PDS5A: variants seen among roughly 807,000 people sequenced by gnomAD.
PDS5A encodes sister chromatid cohesion protein PDS5 homolog A.
Under a neutral mutation model 167.1 loss-of-function variants are expected in PDS5A, and 42 were observed. That is an observed-to-expected ratio of 0.25 (90% CI 0.20 to 0.33). The LOEUF (loss-of-function observed/expected upper bound fraction) is 0.33, where lower values mean the gene tolerates loss of function less well. Ranked by LOEUF, PDS5A falls within the 10% of genes least tolerant of loss-of-function variation. The pLI is 1.00. For missense variants in PDS5A, 1,033 were observed against 1,605.9 expected, an observed-to-expected ratio of 0.64 and a Z score of 6.10; for synonymous variants, 553 against 554.6, an observed-to-expected ratio of 1.00 and a Z score of 0.04.
At chr4:39,872,849 A>G (rs1303343460) in intron 21 of PDS5A, 137 bp downstream of exon 21, 2 of 460,654 alleles carry the variant, frequency 4.3e-6, no homozygotes. Context: ...GAATTTAAAT[A>G]AATAAAAAAT....
At chr4:39,920,595 A>T (rs1481216403) in intron 6 of PDS5A, among the ~76,000 whole-genome samples, 196 bp from the exon 7 acceptor site, 1 of 152,234 alleles carries the variant, frequency 6.6e-6, no homozygotes, top group Non-Finnish European at 1.5e-5. Context: ...TTAAATGCAG[A>T]CGTTGCAAAT....
rs527824931 is a variant in PDS5A, at chr4:39,973,842, A to G, written c.138+2598T>C. ...TTCCACAGACTCAGAACCGTGCTGC[A>G]AGACCGGGCGCGGTGGCTCACGCCT... On this transcript the variant is annotated intron_variant, in intron 2 of 32. Transcript: ENST00000303538. The G allele has an allele frequency of 6.6e-4, 665 of 1,009,846 alleles. 2 individuals are homozygous for G. Among genetic ancestry groups the G allele is most frequent in the Middle Eastern group, 1.2e-3 (6 of 4,814 alleles). 62.6% of individuals were successfully genotyped at this position (1,009,846 alleles called of 1,614,324 possible).
chr4:39,925,946 AAAAT>A lies in PDS5A; in HGVS notation c.430-17_430-14del, dbSNP rs1725414830. 2.0e-6 allele frequency: 2 copies of A among 988,470 alleles called. No individual in the cohort carries two copies. The highest frequency in any genetic ancestry group is 2.9e-6 in the Non-Finnish European group (2 of 691,288). The allele number at this position is 988,470 out of a possible 1,614,324, so 61.2% of individuals were successfully genotyped here. ...CCCAAGCTAAATTCTTAAATAAATAAAAATAATTATTGAATTATACATATATACA... is the reference window on the plus strand; with the variant it reads ...CCCAAGCTAAATTCTTAAATAAATAAAATTATTGAATTATACATATATACA... On this transcript the variant is annotated splice_polypyrimidine_tract_variant and intron_variant, in intron 4 of 32. Transcript: ENST00000303538.
At chr4:39,850,229 A>C (rs931582958) in intron 26 of PDS5A, among the ~76,000 whole-genome samples, 1 of 150,694 alleles carries the variant, frequency 6.6e-6, no homozygotes, top group Middle Eastern at 3.4e-3. Flanking sequence ...CTGAGACTGC[A>C]CCACTGCACT....
intron 11 of PDS5A, among the ~76,000 whole-genome samples, chr4:39,907,590 C>CTTTT (rs71194936): frequency 1.4e-5 from 2 of 141,752 alleles, no homozygotes; most frequent in Non-Finnish European, 1.5e-5. Flanking sequence ...CTTTTCTTTT[C>CTTTT]TTTTTTTTTT....
intron 2 of PDS5A, 127 bp downstream of exon 2, chr4:39,976,313 A>T: frequency 3.1e-6 from 2 of 636,574 alleles, no homozygotes; most frequent in South Asian, 2.5e-5. Flanking sequence ...GAGATACAAC[A>T]GTACCTTTCA....
Position 39,884,087 on chromosome 4 carries a change from T to C in PDS5A, c.1887-4254A>G, listed in dbSNP as rs1393669552. Among the ~76,000 whole-genome samples the C allele has an allele frequency of 2.6e-5, 4 of 151,856 alleles. No homozygotes were observed. The East Asian group carries it at 7.7e-4, about 29-fold the overall frequency. On this transcript the variant is annotated intron_variant, in intron 17 of 32. Transcript: ENST00000303538. ...GGGATTACAGTTGCGTGCCACCACGTCAGGCTAATTTTTGCATTTTTAGTA... is the reference window on the plus strand; with the variant it reads ...GGGATTACAGTTGCGTGCCACCACGCCAGGCTAATTTTTGCATTTTTAGTA...
At chr4:39,852,150 T>C (rs1718171208) in intron 26 of PDS5A, among the ~76,000 whole-genome samples, 1 of 152,196 alleles carries the variant, frequency 6.6e-6, no homozygotes, top group South Asian at 2.1e-4. Context: ...ATGTGCTATC[T>C]AACATGAACC....
chr4:39,964,714 T>C (rs1729813589), intron 2 of PDS5A, among the ~76,000 whole-genome samples: 1 of 151,580 alleles, frequency 6.6e-6, no homozygotes, highest in African/African-American at 2.4e-5. Flanking sequence ...TAATAAAATA[T>C]GCCCTGGTGT....
At chr4:39,935,908 C>A (rs1464088301) in intron 2 of PDS5A, among the ~76,000 whole-genome samples, 1 of 152,190 alleles carries the variant, frequency 6.6e-6, no homozygotes, top group East Asian at 1.9e-4. Flanking sequence ...CACACAAATA[C>A]AAGTACGTGT....
intron 16 of PDS5A, 169 bp downstream of exon 16, chr4:39,898,220 A>G: frequency 7.7e-7 from 1 of 1,290,448 alleles, no homozygotes; most frequent in Non-Finnish European, 9.8e-7. Context: ...TGTGGCTGAG[A>G]GTGAATGGTA....
rs1731068416 is a variant in PDS5A, at chr4:39,976,234, A to G, written c.138+206T>C. ...TGCTTGAAAACCAGTAAGTTTTTGA[A>G]AAATCACACTCCTTTTAAATTTCCC... On this transcript the variant is annotated intron_variant, in intron 2 of 32. Coordinates refer to ENST00000303538, the MANE Select transcript of PDS5A (RefSeq NM_001100399.2). The G allele has an allele frequency of 7.9e-6, 3 of 381,698 alleles. No homozygotes were observed. In the South Asian group the frequency reaches 2.8e-4, roughly 35 times the overall value. The allele number at this position is 381,698 out of a possible 1,614,324, so 23.6% of individuals were successfully genotyped here. A position where few individuals can be genotyped will look rare whatever the true frequency, so the allele number is the denominator to read the frequency against.
chr4:39,923,330 T>C (rs1578750784), intron 5 of PDS5A, among the ~76,000 whole-genome samples: 1 of 97,430 alleles, frequency 1.0e-5, no homozygotes, highest in Admixed American at 1.1e-4. Context: ...TTTGTATCAA[T>C]TAAAAAAAAA....
chr4:39,876,548 A>T (rs1383261976), intron 19 of PDS5A, among the ~76,000 whole-genome samples: 1 of 152,198 alleles, frequency 6.6e-6, no homozygotes, highest in Non-Finnish European at 1.5e-5. Flanking sequence ...TAAATATAAC[A>T]TCTCAGCACA....
In PDS5A at chr4:39,879,799, C is replaced by G. The variant is rs758433567; in HGVS notation, c.1921G>C (p.Gly641Arg). 3.1e-6 allele frequency: 5 copies of G among 1,611,146 alleles called. No homozygotes were observed. The South Asian group carries it at 5.5e-5, about 18-fold the overall frequency. Reference sequence around the variant, plus strand: ...CCCTCCTCTTCATCATCTGCTGTCCCCTCTATTGACTTATTCATCAATTTC... The same window carrying G: ...CCCTCCTCTTCATCATCTGCTGTCCGCTCTATTGACTTATTCATCAATTTC... ...LVKLMNKSIE[G>R]TADDEEEGVS... Residue 641 changes from glycine (G) to arginine (R), a missense_variant, in exon 18 of 33, where the codon GGG becomes CGG. Transcript: ENST00000303538.
intron 32 of PDS5A, among the ~76,000 whole-genome samples, chr4:39,834,624 G>A (rs1300271321): frequency 6.6e-6 from 1 of 152,174 alleles, no homozygotes; most frequent in African/African-American, 2.4e-5. Context: ...GTTTGAAATG[G>A]TTAAACTCAC....
At chr4:39,855,573 A>T (rs1293289098) in intron 26 of PDS5A, among the ~76,000 whole-genome samples, 2 of 152,204 alleles carry the variant, frequency 1.3e-5, no homozygotes, top group Admixed American at 1.3e-4. Flanking sequence ...AAATATGCTC[A>T]ATGAGATAAA....
At chr4:39,846,930 A>T (rs1278016348) in intron 28 of PDS5A, 1 of 152,118 alleles carries the variant, frequency 6.6e-6, no homozygotes, top group Non-Finnish European at 1.5e-5. Flanking sequence ...ACATTAAGAA[A>T]CCTGTGTACC....
At chr4:39,908,119 A>C (rs1723557189) in intron 11 of PDS5A, among the ~76,000 whole-genome samples, 1 of 152,206 alleles carries the variant, frequency 6.6e-6, no homozygotes, top group South Asian at 2.1e-4. Flanking sequence ...CATGTAAATA[A>C]AAAGGTAAAA....
Sources: gnomAD v4.1 joint callset for allele counts (sites outside exome capture counted in the v4.1 genomes callset) on GRCh38, gnomAD v4.1.1 for gene constraint, MANE v1.5 for transcripts, NCBI Gene and HGNC (gene_info 2026-07-23, HGNC 2026-07-21) for gene names.